Variants in LARGE1 observed in about 807,000 individuals in gnomAD.
LARGE1 encodes xylosyl- and glucuronyltransferase LARGE1.
A neutral mutation model predicts 87.6 loss-of-function variants in LARGE1; 43 were observed. The ratio of observed to expected loss-of-function variants is 0.49; its 90% confidence interval spans 0.38 to 0.63. LARGE1 has a LOEUF of 0.63. LARGE1 is among the 30% of genes least tolerant of loss of function. LARGE1 has a pLI of 0.00. For synonymous variants in LARGE1, 434 were observed against 394.6 expected, an observed-to-expected ratio of 1.10 and a Z score of -1.18; for missense variants, 802 against 1,000.2, an observed-to-expected ratio of 0.80 and a Z score of 2.67.
intron 2 of LARGE1, among the ~76,000 whole-genome samples, chr22:33,757,911 GATAA>G (rs1177983981): frequency 6.6e-6 from 1 of 152,168 alleles, no homozygotes; most frequent in African/African-American, 2.4e-5. Flanking sequence ...TTTGTGTTCT[GATAA>G]ATACTCAGAC....
At chr22:33,133,575 A>G in the LARGE1 span, among the ~76,000 whole-genome samples, 1 of 152,190 alleles carries the variant, frequency 6.6e-6, no homozygotes, top group African/African-American at 2.4e-5. Flanking sequence ...AATCCAGTCT[A>G]TCATTGATGG....
At chr22:33,684,161 C>T (rs963529407) in intron 2 of LARGE1, among the ~76,000 whole-genome samples, 4 of 152,168 alleles carry the variant, frequency 2.6e-5, no homozygotes, top group East Asian at 1.9e-4. Context: ...AATCATTGCA[C>T]GTTGTACACC....
Position 33,650,596 on chromosome 22 carries a change from C to T in LARGE1, c.179G>A (p.Arg60Gln), listed in dbSNP as rs147620818. The T allele has an allele frequency of 2.7e-5, 44 of 1,605,398 alleles. No homozygotes were observed. In the African/African-American group the frequency reaches 3.6e-4, roughly 13 times the overall value. ...HSPRYTASSQ[R>Q]ERESLEVRMR... is the part of the protein sequence containing the mutation. ...GCGCACCTCCAGGCTCTCGCGCTCC[C>T]GCTGGCTGGAGGCCGTGTACCTGGG... The change falls in exon 3 of 15, where the codon CGG becomes CAG. Residue 60 changes from arginine to glutamine, a missense_variant. Physicochemically the swap from Arg to Gln is conservative, Grantham distance 43. Coordinates refer to ENST00000397394, the MANE Select transcript of LARGE1 (RefSeq NM_133642.5).
chr22:33,269,290 T>C (rs1175869774), downstream of LARGE1, among the ~76,000 whole-genome samples: 1 of 152,160 alleles, frequency 6.6e-6, no homozygotes, highest in African/African-American at 2.4e-5. Flanking sequence ...CAAAAATAAA[T>C]GAAACTAAAA....
chr22:33,715,313 T>C (rs574189575), intron 2 of LARGE1, among the ~76,000 whole-genome samples: 1 of 152,134 alleles, frequency 6.6e-6, no homozygotes. Flanking sequence ...AGGGTGGTCT[T>C]TTTCCAAGCT....
At chr22:33,366,701 C>CT (rs1441200847) in intron 9 of LARGE1, among the ~76,000 whole-genome samples, 3 of 152,180 alleles carry the variant, frequency 2.0e-5, no homozygotes, top group African/African-American at 7.2e-5. Context: ...ATTGTGAGGC[C>CT]TCCCCAGCCC....
At chr22:33,091,890 C>T in the LARGE1 span, among the ~76,000 whole-genome samples, 10 of 151,994 alleles carry the variant, frequency 6.6e-5, no homozygotes, top group East Asian at 1.9e-4. Flanking sequence ...TCTTCTTCTT[C>T]GTTTTTCGTT....
the LARGE1 span, among the ~76,000 whole-genome samples, chr22:33,132,939 G>A: frequency 6.6e-6 from 1 of 152,162 alleles, no homozygotes; most frequent in Non-Finnish European, 1.5e-5. Flanking sequence ...TTTAGGGCAA[G>A]GTAGGAAGCA....
chr22:33,273,854 C>T lies in LARGE1; in HGVS notation c.*573G>A. 1 of 385,294 alleles carries T rather than the reference C, an allele frequency of 2.6e-6. No homozygotes were observed. Among genetic ancestry groups the T allele is most frequent in the Non-Finnish European group, 4.6e-6 (1 of 218,342 alleles). 23.9% of individuals were successfully genotyped at this position (385,294 alleles called of 1,614,324 possible). A position where few individuals can be genotyped will look rare whatever the true frequency, so the allele number is the denominator to read the frequency against. Reference sequence around the variant, plus strand: ...GAGTGACTTTGGGGATAAGGAAACCCATCAACCCCACCTCCAGGACCCTCT... The same window carrying T: ...GAGTGACTTTGGGGATAAGGAAACCTATCAACCCCACCTCCAGGACCCTCT... On this transcript the variant is annotated 3_prime_UTR_variant, in exon 15 of 15. Coordinates refer to ENST00000397394, the MANE Select transcript of LARGE1 (RefSeq NM_133642.5).
At chr22:33,857,996 T>C (rs2063803869) in intron 1 of LARGE1, among the ~76,000 whole-genome samples, 1 of 152,140 alleles carries the variant, frequency 6.6e-6, no homozygotes, top group Non-Finnish European at 1.5e-5. Context: ...GTGGCAAGCC[T>C]CGTGTTCTCT....
At chr22:33,762,380 T>A (rs1031603344) in intron 1 of LARGE1, among the ~76,000 whole-genome samples, 6 of 151,976 alleles carry the variant, frequency 3.9e-5, no homozygotes, top group African/African-American at 1.5e-4. Context: ...CTGTGCGTGG[T>A]CAGGATGGCA....
chr22:33,441,091 T>TTTTTTTTTTTTTTTTTTTG (rs2067457012), intron 6 of LARGE1, among the ~76,000 whole-genome samples: 1 of 143,466 alleles, frequency 7.0e-6, no homozygotes, highest in Admixed American at 6.9e-5. Context: ...TTTTTTTTTT[T>TTTTTTTTTTTTTTTTTTTG]GAGAGGGAGT....
At position 33,650,441 on chromosome 22, in the gene LARGE1, C is replaced by G. The variant is rs146078928; in HGVS notation, c.334G>C (p.Glu112Gln). The change falls in exon 3 of 15, where the codon GAG becomes CAG. Residue 112 changes from glutamate (E) to glutamine (Q), a missense_variant. Coordinates refer to ENST00000397394, the MANE Select transcript of LARGE1 (RefSeq NM_133642.5). ...YSMEEGTGDS[E>Q]NLRAGIVAGN... ...GCCACGATGCCAGCCCGAAGGTTCT[C>G]GCTGTCTCCAGTGCCCTCCTCCATG... The G allele has an allele frequency of 2.5e-6, 4 of 1,614,164 alleles. No homozygotes were observed. The Admixed American group carries it at 5.0e-5, about 20-fold the overall frequency.
At chr22:33,881,191 G>A (rs2064671730) in intron 1 of LARGE1, among the ~76,000 whole-genome samples, 1 of 152,158 alleles carries the variant, frequency 6.6e-6, no homozygotes, top group East Asian at 1.9e-4. Flanking sequence ...CCAGAACACA[G>A]TTACGAGCCC....
the LARGE1 span, among the ~76,000 whole-genome samples, chr22:33,131,437 G>A: frequency 2.0e-5 from 3 of 152,066 alleles, no homozygotes; most frequent in African/African-American, 7.2e-5. Context: ...CTAGCCTCCT[G>A]TATTAGTCTG....
chr22:33,644,887 C>T (rs1156347777), intron 3 of LARGE1, among the ~76,000 whole-genome samples: 1 of 152,072 alleles, frequency 6.6e-6, no homozygotes, highest in African/African-American at 2.4e-5. Flanking sequence ...AACTACAAAC[C>T]ACTGCTCAAG....
At chr22:33,659,171 C>A (rs1437922760) in intron 2 of LARGE1, among the ~76,000 whole-genome samples, 1 of 152,234 alleles carries the variant, frequency 6.6e-6, no homozygotes, top group African/African-American at 2.4e-5. Flanking sequence ...TTTCTCTTGA[C>A]CAATCACAGG....
At chr22:33,243,249 A>G (rs1284059447) in intron 11 of LARGE1, among the ~76,000 whole-genome samples, 1 of 152,242 alleles carries the variant, frequency 6.6e-6, no homozygotes, top group Non-Finnish European at 1.5e-5. Context: ...GTAAAACTTT[A>G]TTTAGATATA....
chr22:33,620,503 T>C (rs1222722216), intron 4 of LARGE1, among the ~76,000 whole-genome samples: 1 of 152,224 alleles, frequency 6.6e-6, no homozygotes, highest in Non-Finnish European at 1.5e-5. Flanking sequence ...TGTGCTATTT[T>C]CTACTGGGTA....
Sources: gnomAD v4.1 joint callset for allele counts (sites outside exome capture counted in the v4.1 genomes callset) on GRCh38, gnomAD v4.1.1 for gene constraint, MANE v1.5 for transcripts, NCBI Gene and HGNC (gene_info 2026-07-23, HGNC 2026-07-21) for gene names.